The following GRIN2B variants were observed in gnomAD, a reference collection of about 807,000 sequenced individuals.
The protein encoded by GRIN2B is glutamate ionotropic receptor NMDA type subunit 2B.
GRIN2B carries 5 observed loss-of-function variants against 114.5 expected under a neutral mutation model. The ratio of observed to expected loss-of-function variants is 0.04; its 90% CI spans 0.02 to 0.09. The LOEUF is 0.09. GRIN2B is among the 10% of genes least tolerant of loss of function. The probability of loss-of-function intolerance (pLI) is 1.00; values close to 1 mark genes in which losing one functional copy is unlikely to be tolerated. For synonymous variants in GRIN2B, 787 were observed against 745.1 expected (o/e 1.06, Z -0.92); for missense variants, 1,108 against 1,943.5 (o/e 0.57, Z 8.08).
intron 3 of GRIN2B, among the ~76,000 whole-genome samples, chr12:13,754,813 C>A (rs1469451103): frequency 6.6e-6 from 1 of 152,158 alleles, no homozygotes; most frequent in Non-Finnish European, 1.5e-5. Flanking sequence ...ATTGCACACA[C>A]CCTCCCGTGT....
intron 3 of GRIN2B, among the ~76,000 whole-genome samples, chr12:13,864,437 G>A (rs936352188): frequency 5.3e-5 from 8 of 152,158 alleles, no homozygotes; most frequent in Non-Finnish European, 1.2e-4. Flanking sequence ...CAAAACTAAA[G>A]GCAGGTTTGA....
chr12:13,974,703 T>C (rs1334883219), intron 2 of GRIN2B, among the ~76,000 whole-genome samples: 2 of 152,176 alleles, frequency 1.3e-5, no homozygotes, highest in East Asian at 3.8e-4. Flanking sequence ...TAATTATCTC[T>C]TTATACATGT....
intron 10 of GRIN2B, among the ~76,000 whole-genome samples, chr12:13,573,419 C>G (rs1211513956): frequency 2.0e-5 from 3 of 149,288 alleles, no homozygotes; most frequent in African/African-American, 7.5e-5. Flanking sequence ...CCATTGCACT[C>G]CAGCCTGGGC....
intron 2 of GRIN2B, among the ~76,000 whole-genome samples, chr12:13,937,921 G>A (rs1867157487): frequency 6.6e-6 from 1 of 152,004 alleles, no homozygotes; most frequent in Admixed American, 6.6e-5. Context: ...AAAATTGGGA[G>A]GTGATGGGTA....
At chr12:13,599,922 A>G (rs1321521923) in intron 10 of GRIN2B, among the ~76,000 whole-genome samples, 1 of 152,230 alleles carries the variant, frequency 6.6e-6, no homozygotes, top group Non-Finnish European at 1.5e-5. Flanking sequence ...CATCCAGAAC[A>G]TTCCAAATCT....
chr12:13,597,714 C>T (rs1476038333), intron 10 of GRIN2B, among the ~76,000 whole-genome samples: 1 of 152,226 alleles, frequency 6.6e-6, no homozygotes, highest in Non-Finnish European at 1.5e-5. Context: ...GCTTTTGCTG[C>T]TTGGTTCCTG....
At chr12:13,760,996 C>T (rs574355960) in intron 3 of GRIN2B, among the ~76,000 whole-genome samples, 3 of 152,236 alleles carry the variant, frequency 2.0e-5, no homozygotes, top group South Asian at 2.1e-4. Flanking sequence ...GGAAAATTTC[C>T]GATGTTCTCC....
intron 4 of GRIN2B, among the ~76,000 whole-genome samples, chr12:13,714,404 C>A (rs1950438818): frequency 6.6e-6 from 1 of 151,846 alleles, no homozygotes; most frequent in Admixed American, 6.6e-5. Context: ...TTTAGCAAAG[C>A]TGGAGAGAAA....
At chr12:13,612,665 A>G (rs1028563586) in intron 8 of GRIN2B, among the ~76,000 whole-genome samples, 2 of 152,200 alleles carry the variant, frequency 1.3e-5, no homozygotes, top group African/African-American at 4.8e-5. Context: ...AATATCTTTA[A>G]TCATGTGTGC....
At chr12:13,578,559 A>G (rs1948807001) in intron 10 of GRIN2B, among the ~76,000 whole-genome samples, 1 of 152,202 alleles carries the variant, frequency 6.6e-6, no homozygotes, top group African/African-American at 2.4e-5. Flanking sequence ...CTCCCACTGA[A>G]TATCAGTCAT....
At chr12:13,730,616 C>T (rs1432901217) in intron 4 of GRIN2B, among the ~76,000 whole-genome samples, 2 of 152,112 alleles carry the variant, frequency 1.3e-5, no homozygotes, top group Non-Finnish European at 2.9e-5. Context: ...CCCCAAATCT[C>T]ATTGTAGGCG....
At chr12:13,926,395 A>G (rs1435308506) in intron 2 of GRIN2B, among the ~76,000 whole-genome samples, 3 of 152,054 alleles carry the variant, frequency 2.0e-5, no homozygotes, top group African/African-American at 7.2e-5. Context: ...ACACCTAAAC[A>G]ATGTGCATTG....
At chr12:13,566,815 A>G (rs1321366253) in intron 13 of GRIN2B, among the ~76,000 whole-genome samples, 2 of 152,226 alleles carry the variant, frequency 1.3e-5, no homozygotes, top group Admixed American at 1.3e-4. Flanking sequence ...CCACACAGAA[A>G]GCTGTTTCTT....
At chr12:13,841,465 A>G (rs367740367) in intron 3 of GRIN2B, among the ~76,000 whole-genome samples, 3 of 152,270 alleles carry the variant, frequency 2.0e-5, no homozygotes, top group Admixed American at 2.0e-4. Flanking sequence ...CCGGAACCTC[A>G]TCAGTCTGTC....
intron 2 of GRIN2B, among the ~76,000 whole-genome samples, chr12:13,975,744 G>T (rs1165050989): frequency 6.6e-6 from 1 of 152,184 alleles, no homozygotes; most frequent in Non-Finnish European, 1.5e-5. Flanking sequence ...ATCTCTCCCT[G>T]CCCTTGAGGA....
At chr12:13,698,889 C>T (rs2136566175) in intron 4 of GRIN2B, among the ~76,000 whole-genome samples, 1 of 152,146 alleles carries the variant, frequency 6.6e-6, no homozygotes. Context: ...CACCATGTTG[C>T]TCAGGCTGGT....
intron 5 of GRIN2B, among the ~76,000 whole-genome samples, chr12:13,669,677 T>C (rs1950005992): frequency 6.6e-6 from 1 of 152,146 alleles, no homozygotes; most frequent in South Asian, 2.1e-4. Context: ...TCTCACACCA[T>C]GCTAGGCACA....
chr12:13,967,034 A>G (rs776983623), intron 2 of GRIN2B, among the ~76,000 whole-genome samples: 10 of 152,200 alleles, frequency 6.6e-5, no homozygotes, highest in Admixed American at 2.6e-4. Flanking sequence ...GGAAAATGTA[A>G]AAAACCCAAG....
intron 5 of GRIN2B, among the ~76,000 whole-genome samples, chr12:13,674,018 A>G (rs1166973511): frequency 6.6e-6 from 1 of 152,072 alleles, no homozygotes. Context: ...GGGAACAACC[A>G]TTTCTGAACA....
Sources: allele counts gnomAD v4.1 joint callset (sites outside exome capture counted in the v4.1 genomes callset), GRCh38; gene constraint gnomAD v4.1.1; transcripts MANE v1.5; gene names NCBI Gene and HGNC (gene_info 2026-07-23, HGNC 2026-07-21).